Variants in PPP6R3 observed in about 807,000 individuals in gnomAD.
PPP6R3 encodes protein phosphatase 6 regulatory subunit 3.
A neutral mutation model predicts 110.7 loss-of-function variants in PPP6R3; 38 were observed. The ratio of observed to expected loss-of-function variants is 0.34; its 90% confidence interval spans 0.26 to 0.45. The LOEUF is 0.45. Among genes scored for constraint, PPP6R3 ranks in the 20% least tolerant of loss-of-function variants. PPP6R3 has a pLI of 1.00. For synonymous variants in PPP6R3, 369 were observed against 373.5 expected, an observed-to-expected ratio of 0.99 and a Z score of 0.14; for missense variants, 870 against 1,062.4, an observed-to-expected ratio of 0.82 and a Z score of 2.52.
intron 14 of PPP6R3, among the ~76,000 whole-genome samples, chr11:68,582,511 T>C (rs2099561461): frequency 1.3e-5 from 2 of 152,238 alleles, no homozygotes; most frequent in African/African-American, 4.8e-5. Flanking sequence ...AGTGGGAAGC[T>C]GTCGACTCAA....
At chr11:68,542,674 G>A (rs182278660) in intron 3 of PPP6R3, among the ~76,000 whole-genome samples, 2 of 152,264 alleles carry the variant, frequency 1.3e-5, no homozygotes, top group African/African-American at 2.4e-5. Context: ...GACTATTGGT[G>A]TGCGCCACCG....
chr11:68,474,418 C>T (rs73516855), intron 1 of PPP6R3, among the ~76,000 whole-genome samples: 46 of 152,118 alleles, frequency 3.0e-4, no homozygotes, highest in Admixed American at 5.2e-4. Flanking sequence ...AATCTTTTGT[C>T]CTTGCTTTTT....
chr11:68,614,819 C>T lies in PPP6R3; in HGVS notation c.*1702C>T. 1 of 1,421,200 alleles carries T rather than the reference C, an allele frequency of 7.0e-7. No homozygotes were observed. The highest frequency in any genetic ancestry group is 9.7e-7 in the Non-Finnish European group (1 of 1,033,772). 88.0% of individuals were successfully genotyped at this position (1,421,200 alleles called of 1,614,324 possible). A position where few individuals can be genotyped will look rare whatever the true frequency, so the allele number is the denominator to read the frequency against. On this transcript the variant is annotated 3_prime_UTR_variant, in exon 24 of 24. Transcript: ENST00000393800. ...GCACCCCCAGAGGACAGGGCTCCTCCTGCTTGCCTCAGGGCTGCCTGACTT... is the reference window on the plus strand; with the variant it reads ...GCACCCCCAGAGGACAGGGCTCCTCTTGCTTGCCTCAGGGCTGCCTGACTT...
chr11:68,612,030 A>ATATG (rs1943700175), intron 23 of PPP6R3, among the ~76,000 whole-genome samples: 1 of 152,100 alleles, frequency 6.6e-6, no homozygotes, highest in African/African-American at 2.4e-5. Context: ...TACTTATTTC[A>ATATG]TATGTATACT....
rs1479673631 is a variant in PPP6R3 at position 68,484,908 on chromosome 11, A to G, written c.-158+24081A>G. On this transcript the variant is annotated intron_variant, in intron 1 of 23. Transcript: ENST00000393800. ...AGCCTTCTTTATATATTTTTGGATA[A>G]TAGTTGATTATCAAATGTGTTGTCA... 6.6e-5 allele frequency among the ~76,000 whole-genome samples: 10 copies of G among 152,264 alleles called. No homozygotes were observed. In the East Asian group the frequency reaches 1.9e-3, roughly 29 times the overall value.
At chr11:68,587,867 A>AT in intron 15 of PPP6R3, 60 bp from the exon 16 acceptor site, 1 of 1,360,892 alleles carries the variant, frequency 7.3e-7, no homozygotes, top group Non-Finnish European at 1.1e-6. Flanking sequence ...AAATGGGCAA[A>AT]TAGTATGTAG....
chr11:68,566,647 T>G (rs1050963147), intron 9 of PPP6R3, among the ~76,000 whole-genome samples: 1 of 152,170 alleles, frequency 6.6e-6, no homozygotes, highest in African/African-American at 2.4e-5. Context: ...AGGCATGAGC[T>G]ACTGTGCCCG....
At chr11:68,499,215 T>C (rs908470505) in intron 1 of PPP6R3, among the ~76,000 whole-genome samples, 1 of 152,194 alleles carries the variant, frequency 6.6e-6, no homozygotes, top group Non-Finnish European at 1.5e-5. Flanking sequence ...TCTTGCAGTT[T>C]CTGGGAGTCA....
intron 2 of PPP6R3, among the ~76,000 whole-genome samples, chr11:68,530,787 G>C (rs916599430): frequency 2.6e-5 from 4 of 152,170 alleles, no homozygotes; most frequent in Non-Finnish European, 5.9e-5. Context: ...CTAGTCCTGG[G>C]TACAGTTATT....
intron 20 of PPP6R3, among the ~76,000 whole-genome samples, chr11:68,601,420 A>C (rs909652859): frequency 2.6e-4 from 40 of 152,254 alleles, no homozygotes; most frequent in African/African-American, 9.6e-4. Flanking sequence ...CACAGTTCCA[A>C]CAACAAATAT....
chr11:68,601,895 T>A lies in PPP6R3; in HGVS notation c.2225T>A (p.Val742Glu). The part of the protein sequence containing the change: ...TKDSLRSNSP[V>E]EMETSTEPMD... The stretch of plus-strand genomic sequence containing the variant: ...GATTCTTTAAGGAGTAATTCTCCAG[T>A]GGAAATGGAAACCAGCACTGAACCC... Residue 742 changes from valine to glutamate, a missense_variant, in exon 21 of 24, where the codon GTG becomes GAG. Coordinates refer to ENST00000393800, the MANE Select transcript of PPP6R3 (RefSeq NM_001164161.2). The A allele has an allele frequency of 1.2e-6, 2 of 1,613,382 alleles. No individual in the cohort carries two copies. The highest frequency in any genetic ancestry group is 1.7e-6 in the Non-Finnish European group (2 of 1,179,724).
intron 5 of PPP6R3, among the ~76,000 whole-genome samples, chr11:68,550,378 T>C (rs1482507058): frequency 1.3e-5 from 2 of 152,210 alleles, no homozygotes; most frequent in East Asian, 3.8e-4. Flanking sequence ...GGGCTTTTTA[T>C]GAGCAGAGGA....
chr11:68,550,952 A>G (rs2099369662), intron 5 of PPP6R3, 169 bp from the exon 6 acceptor site: 2 of 558,258 alleles, frequency 3.6e-6, no homozygotes, highest in Non-Finnish European at 3.1e-6. Flanking sequence ...CAATATATTC[A>G]CTGGCATTTT....
At chr11:68,597,767 C>T (rs1471145444) in intron 19 of PPP6R3, among the ~76,000 whole-genome samples, 1 of 149,014 alleles carries the variant, frequency 6.7e-6, no homozygotes, top group Non-Finnish European at 1.5e-5. Context: ...TCACTTGAGG[C>T]CAGGAGTTCG....
chr11:68,466,009 A>C (rs2098742594), intron 1 of PPP6R3, among the ~76,000 whole-genome samples: 1 of 152,190 alleles, frequency 6.6e-6, no homozygotes, highest in Non-Finnish European at 1.5e-5. Flanking sequence ...TCCCTACACA[A>C]CAGTTATCCT....
chr11:68,613,976 T>G lies in PPP6R3; in HGVS notation c.*859T>G, dbSNP rs1944673724. On this transcript the variant is annotated 3_prime_UTR_variant, in exon 24 of 24. Transcript: ENST00000393800. ...GGTAGTTCATCTGCCTTTTAACCCA[T>G]TCACCAAAATTTACCTTGTTAACAA... The G allele has an allele frequency of 1.0e-6, 1 of 985,300 alleles. No individual in the cohort carries two copies. The highest frequency in any genetic ancestry group is 1.8e-5 in the African/African-American group (1 of 57,130). The allele number at this position is 985,300 out of a possible 1,614,324, so 61.0% of individuals were successfully genotyped here.
chr11:68,491,768 G>A lies in PPP6R3; in HGVS notation c.-157-27733G>A, dbSNP rs73516880. 9.0e-3 allele frequency among the ~76,000 whole-genome samples: 1,368 copies of A among 152,140 alleles called. 21 individuals are homozygous for A. The highest frequency in any genetic ancestry group is 0.032 in the African/African-American group (1,311 of 41,506). On this transcript the variant is annotated intron_variant, in intron 1 of 23. Transcript: ENST00000393800. ...TTTCATCTTCCCATACTGAAACACA[G>A]TAGCCATTAAATCATCTTTTGGCTT...
At chr11:68,463,213 AC>A (rs1194437552) in intron 1 of PPP6R3, among the ~76,000 whole-genome samples, 1 of 152,080 alleles carries the variant, frequency 6.6e-6, no homozygotes, top group Admixed American at 6.6e-5. Flanking sequence ...TATTAAAAAT[AC>A]AAAAATTAGT....
At chr11:68,568,953 A>G (rs2099490867) in intron 10 of PPP6R3, among the ~76,000 whole-genome samples, 1 of 151,850 alleles carries the variant, frequency 6.6e-6, no homozygotes, top group African/African-American at 2.4e-5. Flanking sequence ...TTTAGTAGAG[A>G]CGGGGTTTCA....
Sources: allele counts gnomAD v4.1 joint callset (sites outside exome capture counted in the v4.1 genomes callset), GRCh38; gene constraint gnomAD v4.1.1; transcripts MANE v1.5; gene names NCBI Gene and HGNC (gene_info 2026-07-23, HGNC 2026-07-21).